Variants in ANKRD30B observed in about 807,000 individuals in gnomAD.
The protein encoded by ANKRD30B is ankyrin repeat domain 30B.
A neutral mutation model predicts 202.2 loss-of-function variants in ANKRD30B; 144 were observed. The ratio of observed to expected loss-of-function variants is 0.71; its 90% CI spans 0.62 to 0.82. The LOEUF is 0.82. ANKRD30B is among the 40% of genes least tolerant of loss of function. The probability of loss-of-function intolerance (pLI) is 0.00; values close to 1 mark genes in which losing one functional copy is unlikely to be tolerated. For missense variants in ANKRD30B, 1,487 were observed against 1,669.1 expected (o/e 0.89, Z 1.90); for synonymous variants, 508 against 561.3 (o/e 0.91, Z 1.34).
the ANKRD30B span, among the ~76,000 whole-genome samples, chr18:14,895,976 G>T: frequency 6.6e-6 from 1 of 152,144 alleles, no homozygotes; most frequent in Non-Finnish European, 1.5e-5. Flanking sequence ...AGAACTCATA[G>T]AACTATACAA....
At chr18:14,879,833 G>C in the ANKRD30B span, among the ~76,000 whole-genome samples, 1 of 151,732 alleles carries the variant, frequency 6.6e-6, no homozygotes, top group East Asian at 1.9e-4. Context: ...CACTTTGTGG[G>C]TTGTCTACTC....
chr18:14,881,235 T>G, the ANKRD30B span, among the ~76,000 whole-genome samples: 2 of 151,086 alleles, frequency 1.3e-5, no homozygotes, highest in African/African-American at 2.4e-5. Context: ...CCTAGATGGC[T>G]TTTATTACAT....
chr18:14,815,744 T>A (rs1316382302), intron 30 of ANKRD30B, among the ~76,000 whole-genome samples: 3 of 152,200 alleles, frequency 2.0e-5, no homozygotes, highest in African/African-American at 7.2e-5. Flanking sequence ...GTTATTAATA[T>A]TTAATAAGTC....
At chr18:14,880,568 T>G in the ANKRD30B span, among the ~76,000 whole-genome samples, 3 of 148,750 alleles carry the variant, frequency 2.0e-5, no homozygotes, top group African/African-American at 7.4e-5. Flanking sequence ...CTTTCTTGGT[T>G]TTTTTTTTTT....
the ANKRD30B span, among the ~76,000 whole-genome samples, chr18:14,927,510 A>G: frequency 2.0e-5 from 3 of 152,138 alleles, no homozygotes; most frequent in Non-Finnish European, 4.4e-5. Flanking sequence ...AACCAGCTAA[A>G]CCATGGACAG....
At chr18:14,847,937 A>AT (rs1177333203) in intron 39 of ANKRD30B, among the ~76,000 whole-genome samples, 1 of 151,852 alleles carries the variant, frequency 6.6e-6, no homozygotes, top group East Asian at 1.9e-4. Context: ...CTGGGAGGCA[A>AT]TTTCCAGGGG....
the ANKRD30B span, among the ~76,000 whole-genome samples, chr18:14,887,595 A>G: frequency 2.0e-5 from 3 of 151,940 alleles, no homozygotes; most frequent in African/African-American, 7.2e-5. Context: ...TCTGCCTTCC[A>G]GGATTTGCTG....
chr18:14,763,391 C>CA (rs1216397347), intron 6 of ANKRD30B, among the ~76,000 whole-genome samples: 1 of 151,974 alleles, frequency 6.6e-6, no homozygotes, highest in East Asian at 1.9e-4. Flanking sequence ...CTACTAAATA[C>CA]AAAAAATTAG....
the ANKRD30B span, among the ~76,000 whole-genome samples, chr18:14,932,331 C>A: frequency 1.3e-5 from 2 of 151,668 alleles, no homozygotes; most frequent in Non-Finnish European, 2.9e-5. Flanking sequence ...CTATCTCTAT[C>A]TTTTTGTTGT....
chr18:14,805,198 G>A (rs1253185711), intron 24 of ANKRD30B, among the ~76,000 whole-genome samples: 1 of 150,836 alleles, frequency 6.6e-6, no homozygotes, highest in East Asian at 1.9e-4. Flanking sequence ...AACCTCATTA[G>A]CGAATAACAT....
In ANKRD30B at chr18:14,805,813, A is replaced by G. The variant is rs548481936; in HGVS notation, c.2284+1989A>G. 6.4e-3 allele frequency among the ~76,000 whole-genome samples: 956 copies of G among 150,034 alleles called. 51 individuals carry two copies. Among genetic ancestry groups the G allele is most frequent in the African/African-American group, 0.022 (906 of 40,656 alleles). ...TATCTCCTCATCACTCAGCGTATAC[A>G]TATTGGCATTAACATTTTTTGCAAA... On this transcript the variant is annotated intron_variant, in intron 24 of 43. Transcript: ENST00000690538.
downstream of ANKRD30B, among the ~76,000 whole-genome samples, chr18:14,858,545 G>T (rs1428653344): frequency 3.5e-5 from 3 of 86,652 alleles, no homozygotes; most frequent in Admixed American, 1.0e-4. Flanking sequence ...GGGCAGCTGG[G>T]CAGAGGCGCT....
chr18:14,938,484 GCCATGGCCCTCAGTCCTCT>G, the ANKRD30B span, among the ~76,000 whole-genome samples: 2 of 152,084 alleles, frequency 1.3e-5, no homozygotes, highest in African/African-American at 4.8e-5. Context: ...ATCTTGGCTG[GCCATGGCCCTCAGTCCTCT>G]ACCTGGTAGG....
chr18:14,819,848 T>A (rs1418831559), intron 30 of ANKRD30B, among the ~76,000 whole-genome samples: 1 of 152,192 alleles, frequency 6.6e-6, no homozygotes, highest in African/African-American at 2.4e-5. Flanking sequence ...CGACACGGGC[T>A]CATTTTTGGT....
the ANKRD30B span, among the ~76,000 whole-genome samples, chr18:14,868,977 G>C: frequency 1.3e-5 from 2 of 151,874 alleles, no homozygotes; most frequent in Non-Finnish European, 2.9e-5. Flanking sequence ...AGTTTGCGTG[G>C]TGTGGTTGGG....
the ANKRD30B span, among the ~76,000 whole-genome samples, chr18:14,902,444 C>T: frequency 6.6e-6 from 1 of 152,088 alleles, no homozygotes; most frequent in Non-Finnish European, 1.5e-5. Flanking sequence ...AAGATTGAAC[C>T]TGAAATTCCT....
At chr18:14,872,795 C>A in the ANKRD30B span, among the ~76,000 whole-genome samples, 1 of 152,062 alleles carries the variant, frequency 6.6e-6, no homozygotes, top group Admixed American at 6.5e-5. Context: ...GTGCAGGAGT[C>A]GATACAACTG....
the ANKRD30B span, among the ~76,000 whole-genome samples, chr18:14,886,418 A>G: frequency 6.6e-6 from 1 of 152,016 alleles, no homozygotes; most frequent in Non-Finnish European, 1.5e-5. Context: ...TAAATTTAAA[A>G]ATAGGAGAAA....
Position 14,796,488 on chromosome 18 carries a change from T to A in ANKRD30B, c.1927+73T>A, listed in dbSNP as rs140447922. On this transcript the variant is annotated intron_variant, in intron 18 of 43. Transcript: ENST00000690538. ...TATTTGAAATGCCGAGAGGCTTTTA[T>A]TCCCAATGTTGTTTTCTTTTGAAAA... 9.1e-5 allele frequency: 131 copies of A among 1,445,656 alleles called. No homozygotes were observed. In the African/African-American group the frequency reaches 1.8e-3, roughly 20 times the overall value. The allele number at this position is 1,445,656 out of a possible 1,614,324, so 89.6% of individuals were successfully genotyped here.
Sources: gnomAD v4.1 joint callset for allele counts (sites outside exome capture counted in the v4.1 genomes callset) on GRCh38, gnomAD v4.1.1 for gene constraint, MANE v1.5 for transcripts, NCBI Gene and HGNC (gene_info 2026-07-23, HGNC 2026-07-21) for gene names.